The following EPHA3 variants were observed in gnomAD, a reference collection of about 807,000 sequenced individuals.
EPHA3 encodes EPH receptor A3, also known as ephrin type-A receptor 3.
EPHA3 carries 42 observed loss-of-function variants against 107.1 expected under a neutral mutation model. The ratio of observed to expected loss-of-function variants is 0.39; its 90% confidence interval spans 0.31 to 0.51. The LOEUF (loss-of-function observed/expected upper bound fraction) is 0.51, where lower values mean the gene tolerates loss of function less well. EPHA3 is among the 20% of genes least tolerant of loss of function. The pLI is 0.78. For missense variants in EPHA3, 1,183 were observed against 1,211.2 expected (o/e 0.98, Z 0.35); for synonymous variants, 461 against 424.8 (o/e 1.09, Z -1.05).
intron 11 of EPHA3, among the ~76,000 whole-genome samples, chr3:89,420,536 A>C (rs1359598521): frequency 6.6e-6 from 1 of 151,474 alleles, no homozygotes; most frequent in Non-Finnish European, 1.5e-5. Flanking sequence ...TGTACTCTAC[A>C]AAACCAGGCC....
At chr3:89,472,708 C>T (rs1710432736) in intron 16 of EPHA3, 89 bp downstream of exon 16, 2 of 1,406,466 alleles carry the variant, frequency 1.4e-6, no homozygotes, top group Admixed American at 4.4e-5. Flanking sequence ...CTTGGCTTGA[C>T]ATGTTACAAA....
intron 3 of EPHA3, among the ~76,000 whole-genome samples, chr3:89,221,392 A>G (rs1704371081): frequency 6.6e-6 from 1 of 152,200 alleles, no homozygotes; most frequent in African/African-American, 2.4e-5. Context: ...ATAGAAGAGC[A>G]GAAAATTACG....
chr3:89,189,394 A>G (rs1228917454), intron 2 of EPHA3, among the ~76,000 whole-genome samples: 3 of 152,096 alleles, frequency 2.0e-5, no homozygotes, highest in Non-Finnish European at 2.9e-5. Flanking sequence ...AGAGATTGAG[A>G]CCATCCTGGA....
intron 5 of EPHA3, among the ~76,000 whole-genome samples, chr3:89,379,693 A>G (rs1467251504): frequency 6.6e-6 from 1 of 152,164 alleles, no homozygotes; most frequent in Admixed American, 6.6e-5. Context: ...GTAACATGGA[A>G]CTAGGGCTTC....
intron 5 of EPHA3, among the ~76,000 whole-genome samples, chr3:89,351,790 C>G (rs1576329630): frequency 1.3e-5 from 2 of 151,180 alleles, no homozygotes; most frequent in East Asian, 3.9e-4. Context: ...TTGTTTCACT[C>G]ATATCCAAAT....
chr3:89,314,418 T>A (rs1706843711), intron 3 of EPHA3, among the ~76,000 whole-genome samples: 1 of 151,810 alleles, frequency 6.6e-6, no homozygotes, highest in South Asian at 2.1e-4. Context: ...TCTTTAATAG[T>A]GTGGGAATCA....
At chr3:89,246,795 T>C (rs145918722) in intron 3 of EPHA3, among the ~76,000 whole-genome samples, 1 of 152,196 alleles carries the variant, frequency 6.6e-6, no homozygotes, top group Non-Finnish European at 1.5e-5. Context: ...ACATTTACAT[T>C]ATTTAAATCT....
intron 5 of EPHA3, among the ~76,000 whole-genome samples, chr3:89,370,052 G>T (rs545113083): frequency 9.3e-5 from 14 of 150,722 alleles, no homozygotes; most frequent in African/African-American, 3.2e-4. Flanking sequence ...CTTTTACAAT[G>T]TTGGTGGGAC....
intron 2 of EPHA3, among the ~76,000 whole-genome samples, chr3:89,164,991 T>C (rs999722905): frequency 7.9e-5 from 12 of 152,202 alleles, no homozygotes; most frequent in Non-Finnish European, 1.2e-4. Context: ...TTCATATCCT[T>C]ATACTTCAGA....
At chr3:89,117,932 G>T (rs1394532553) in intron 1 of EPHA3, among the ~76,000 whole-genome samples, 1 of 151,830 alleles carries the variant, frequency 6.6e-6, no homozygotes, top group Non-Finnish European at 1.5e-5. Context: ...CAGAATAAAA[G>T]AACTGACAGC....
intron 3 of EPHA3, among the ~76,000 whole-genome samples, chr3:89,301,326 T>C (rs1706483185): frequency 6.6e-6 from 1 of 152,048 alleles, no homozygotes; most frequent in Non-Finnish European, 1.5e-5. Context: ...TTATATATAA[T>C]GGGAAAATTT....
At chr3:89,452,858 T>C (rs1423936974) in intron 15 of EPHA3, among the ~76,000 whole-genome samples, 4 of 152,148 alleles carry the variant, frequency 2.6e-5, no homozygotes, top group Non-Finnish European at 4.4e-5. Context: ...TTGATTATAT[T>C]AAATGCACAT....
intron 2 of EPHA3, among the ~76,000 whole-genome samples, chr3:89,155,849 A>T (rs148158726): frequency 2.6e-5 from 4 of 152,068 alleles, no homozygotes; most frequent in Non-Finnish European, 4.4e-5. Context: ...TTCATGCTTT[A>T]TACAGTATGT....
chr3:89,381,174 G>T (rs1336525938), intron 5 of EPHA3, among the ~76,000 whole-genome samples: 2 of 151,312 alleles, frequency 1.3e-5, no homozygotes, highest in African/African-American at 4.9e-5. Context: ...GGGTTTCACT[G>T]TGTTAGCCAG....
At chr3:89,232,892 T>C (rs1704670556) in intron 3 of EPHA3, among the ~76,000 whole-genome samples, 1 of 152,210 alleles carries the variant, frequency 6.6e-6, no homozygotes, top group African/African-American at 2.4e-5. Flanking sequence ...GAACTTTCAA[T>C]TTTATTGAAC....
chr3:89,153,957 C>A (rs1164113585), intron 2 of EPHA3, among the ~76,000 whole-genome samples: 2 of 152,034 alleles, frequency 1.3e-5, no homozygotes, highest in Non-Finnish European at 2.9e-5. Context: ...ATGAACAAGT[C>A]AGGTCTGCTT....
chr3:89,327,544 A>T (rs1707191943), intron 3 of EPHA3, among the ~76,000 whole-genome samples: 3 of 152,174 alleles, frequency 2.0e-5, no homozygotes, highest in Admixed American at 2.0e-4. Flanking sequence ...AGGGCACGTT[A>T]GGTGTACTAT....
chr3:89,261,487 A>G (rs995356160), intron 3 of EPHA3, among the ~76,000 whole-genome samples: 3 of 152,074 alleles, frequency 2.0e-5, no homozygotes, highest in Non-Finnish European at 4.4e-5. Context: ...TGTATTTTTA[A>G]GTTGTGTGCA....
intron 5 of EPHA3, among the ~76,000 whole-genome samples, chr3:89,346,935 C>T (rs1434992302): frequency 2.9e-4 from 42 of 146,538 alleles, no homozygotes; most frequent in East Asian, 7.8e-4. Context: ...TGTAGGTACG[C>T]GGCGTTATTT....
Sources: allele counts gnomAD v4.1 joint callset (sites outside exome capture counted in the v4.1 genomes callset), GRCh38; gene constraint gnomAD v4.1.1; transcripts MANE v1.5; gene names NCBI Gene and HGNC (gene_info 2026-07-23, HGNC 2026-07-21).